The following DPF3 variants were observed in gnomAD, a reference collection of about 807,000 sequenced individuals.
DPF3 encodes the protein zinc finger protein DPF3.
In DPF3, 18 loss-of-function variants were observed where a neutral mutation model predicts 56.8. That is an observed-to-expected ratio of 0.32 (90% CI 0.22 to 0.47). The LOEUF (loss-of-function observed/expected upper bound fraction) is 0.47, where lower values mean the gene tolerates loss of function less well. DPF3 is among the 20% of genes least tolerant of loss of function. The probability of loss-of-function intolerance (pLI) is 1.00; values close to 1 mark genes in which losing one functional copy is unlikely to be tolerated. For missense variants in DPF3, 403 were observed against 488.8 expected (o/e 0.82, Z 1.65); for synonymous variants, 188 against 180.2 (o/e 1.04, Z -0.35).
intron 1 of DPF3, among the ~76,000 whole-genome samples, chr14:72,792,563 C>T (rs910665592): frequency 6.6e-6 from 1 of 152,226 alleles, no homozygotes; most frequent in Non-Finnish European, 1.5e-5. Context: ...ACACCATGGA[C>T]TCCTGGAGAA....
intron 4 of DPF3, among the ~76,000 whole-genome samples, chr14:72,726,061 C>T (rs1342086301): frequency 6.6e-6 from 1 of 152,224 alleles, no homozygotes; most frequent in Non-Finnish European, 1.5e-5. Flanking sequence ...CAGTATAAGT[C>T]TCTTGAGTTC....
chr14:72,860,862 G>A (rs527643976), intron 1 of DPF3, among the ~76,000 whole-genome samples: 6 of 152,088 alleles, frequency 3.9e-5, no homozygotes, highest in Admixed American at 1.3e-4. Context: ...CACCACGCCC[G>A]GCAGCTTAAT....
At chr14:72,787,394 C>T (rs2139975510) in intron 1 of DPF3, among the ~76,000 whole-genome samples, 1 of 152,302 alleles carries the variant, frequency 6.6e-6, no homozygotes, top group South Asian at 2.1e-4. Context: ...CCTCTGGGCC[C>T]AGGTCTCCCA....
intron 4 of DPF3, among the ~76,000 whole-genome samples, chr14:72,730,416 A>G (rs371448076): frequency 9.5e-4 from 144 of 152,308 alleles, no homozygotes; most frequent in African/African-American, 3.3e-3. Context: ...TGGCAACTCA[A>G]TGGAAAAGAT....
At chr14:72,636,505 T>C (rs1262255328) in intron 8 of DPF3, among the ~76,000 whole-genome samples, 1 of 152,094 alleles carries the variant, frequency 6.6e-6, no homozygotes, top group Non-Finnish European at 1.5e-5. Flanking sequence ...CTCTTCATGC[T>C]CCTCCACTTT....
At chr14:72,664,467 A>G (rs1354059671) in intron 8 of DPF3, among the ~76,000 whole-genome samples, 1 of 152,128 alleles carries the variant, frequency 6.6e-6, no homozygotes, top group African/African-American at 2.4e-5. Flanking sequence ...GCAGGCCACA[A>G]AAATGAAACA....
intron 1 of DPF3, among the ~76,000 whole-genome samples, chr14:72,883,955 G>A (rs1004447205): frequency 5.4e-5 from 8 of 148,962 alleles, no homozygotes; most frequent in Non-Finnish European, 7.4e-5. Flanking sequence ...AAAAGAAAAA[G>A]AATCCATTCT....
intron 6 of DPF3, among the ~76,000 whole-genome samples, chr14:72,706,066 A>G (rs555455575): frequency 1.3e-5 from 2 of 152,226 alleles, no homozygotes; most frequent in Non-Finnish European, 1.5e-5. Context: ...TGTAGGATAG[A>G]GATGACCAAA....
intron 1 of DPF3, among the ~76,000 whole-genome samples, chr14:72,877,667 G>A (rs1407605259): frequency 6.6e-6 from 1 of 152,118 alleles, no homozygotes; most frequent in Admixed American, 6.5e-5. Context: ...GACACTCGCT[G>A]GGATCTTCAG....
At position 72,859,478 on chromosome 14, in the gene DPF3, C is replaced by CA. The variant is rs1258879012; in HGVS notation, c.32+34578_32+34579insT. 2.9e-3 allele frequency among the ~76,000 whole-genome samples: 320 copies of CA among 109,174 alleles called. 4 individuals carry two copies. Among genetic ancestry groups the CA allele is most frequent in the African/African-American group, 0.01 (311 of 30,288 alleles). 71.6% of individuals were successfully genotyped at this position (109,174 alleles called of 152,430 possible). ...GTTCTCTGCAGCTTCCTCCCCCCCC[C>CA]CCCCCACACCATTCCCCCCTAACCT... On this transcript the variant is annotated intron_variant, in intron 1 of 10. Coordinates refer to ENST00000556509, the MANE Select transcript of DPF3 (RefSeq NM_001280542.3).
At position 72,612,656 on chromosome 14, in the gene DPF3, C is replaced by G; in HGVS notation, c.*6641G>C. 1 of 516,974 alleles carries G rather than the reference C, an allele frequency of 1.9e-6. No individual in the cohort carries two copies. The highest frequency in any genetic ancestry group is 3.9e-6 in the Non-Finnish European group (1 of 258,524). 32.0% of individuals were successfully genotyped at this position (516,974 alleles called of 1,614,324 possible). A position where few individuals can be genotyped will look rare whatever the true frequency, so the allele number is the denominator to read the frequency against. ...TGGGGAGTAGACATGGAAGGGCAAACCAAGTCCGTATAAACCACAAACCCC... is the reference window on the plus strand; with the variant it reads ...TGGGGAGTAGACATGGAAGGGCAAAGCAAGTCCGTATAAACCACAAACCCC... On this transcript the variant is annotated 3_prime_UTR_variant, in exon 11 of 11. Transcript: ENST00000556509.
chr14:72,858,656 C>T (rs775049965), intron 1 of DPF3, among the ~76,000 whole-genome samples: 18 of 152,204 alleles, frequency 1.2e-4, no homozygotes, highest in Non-Finnish European at 1.8e-4. Flanking sequence ...TCTAGCCCTG[C>T]CTTATGCAAA....
At chr14:72,871,490 G>T (rs1050456957) in intron 1 of DPF3, among the ~76,000 whole-genome samples, 1 of 152,200 alleles carries the variant, frequency 6.6e-6, no homozygotes, top group African/African-American at 2.4e-5. Flanking sequence ...GGTTTACAGC[G>T]CCCAGGTAGG....
Position 72,867,491 on chromosome 14 carries a change from C to A in DPF3, c.32+26566G>T, listed in dbSNP as rs1885720404. Among the ~76,000 whole-genome samples the A allele has an allele frequency of 2.6e-5, 4 of 152,142 alleles. 1 individual carries two copies. The South Asian group carries it at 8.3e-4, about 32-fold the overall frequency. On this transcript the variant is annotated intron_variant, in intron 1 of 10. Transcript: ENST00000556509. ...TTGAGGGGCAGAGGGGTCAAAAGAA[C>A]CTTCTCCCTCTCTGGCCGATAGATG...
intron 8 of DPF3, among the ~76,000 whole-genome samples, chr14:72,633,521 G>T (rs576093651): frequency 6.6e-6 from 1 of 152,210 alleles, no homozygotes; most frequent in East Asian, 1.9e-4. Flanking sequence ...AAGCAAATCG[G>T]GTGAGTATGG....
chr14:72,886,473 C>T (rs1328383945), intron 1 of DPF3, among the ~76,000 whole-genome samples: 1 of 152,166 alleles, frequency 6.6e-6, no homozygotes, highest in Non-Finnish European at 1.5e-5. Context: ...GTCTGAGCAA[C>T]ATAGCAAGAC....
intron 1 of DPF3, among the ~76,000 whole-genome samples, chr14:72,838,906 T>TATATATATATATATATATATA (rs375598670): frequency 0.012 from 1,035 of 86,362 alleles, 96 homozygotes; most frequent in Middle Eastern, 0.016. Flanking sequence ...ATCATATATA[T>TATATATATATATATATATATA]TCTTTTTTTT....
chr14:72,812,055 A>T (rs115508893), intron 1 of DPF3, among the ~76,000 whole-genome samples: 3 of 152,066 alleles, frequency 2.0e-5, no homozygotes, highest in African/African-American at 7.2e-5. Flanking sequence ...GGTCTCTTGT[A>T]TCTAAGATCT....
intron 1 of DPF3, among the ~76,000 whole-genome samples, chr14:72,864,070 C>T (rs886502719): frequency 1.3e-5 from 2 of 152,154 alleles, no homozygotes; most frequent in African/African-American, 2.4e-5. Context: ...GGGAGTCTGG[C>T]ATCCTCCTCT....
Sources: gnomAD v4.1 joint callset for allele counts (sites outside exome capture counted in the v4.1 genomes callset) on GRCh38, gnomAD v4.1.1 for gene constraint, MANE v1.5 for transcripts, NCBI Gene and HGNC (gene_info 2026-07-23, HGNC 2026-07-21) for gene names.